The following THBS4 variants were observed in gnomAD, a reference collection of about 807,000 sequenced individuals.
THBS4 encodes the protein thrombospondin-4.
A neutral mutation model predicts 115.7 loss-of-function variants in THBS4; 90 were observed. That is an observed-to-expected ratio of 0.78 (90% confidence interval 0.66 to 0.93). The LOEUF is 0.93. Among genes scored for constraint, THBS4 ranks in the 40% least tolerant of loss-of-function variants. The probability of loss-of-function intolerance (pLI) is 0.00; values close to 1 mark genes in which losing one functional copy is unlikely to be tolerated. For synonymous variants in THBS4, 460 were observed against 479.3 expected (o/e 0.96, Z 0.53); for missense variants, 1,087 against 1,232.7 (o/e 0.88, Z 1.77).
chr5:80,058,369 T>G, intron 4 of THBS4, 55 bp downstream of exon 4: 1 of 1,307,846 alleles, frequency 7.6e-7, no homozygotes, highest in Non-Finnish European at 1.1e-6. Flanking sequence ...CCAAAGACCC[T>G]GAATAGGCTG....
At chr5:80,007,740 G>A (rs1037533898) in intron 2 of THBS4, among the ~76,000 whole-genome samples, 2 of 152,162 alleles carry the variant, frequency 1.3e-5, no homozygotes, top group Admixed American at 6.5e-5. Flanking sequence ...CCAAAATGCC[G>A]GGCTTGTGAC....
intron 2 of THBS4, among the ~76,000 whole-genome samples, chr5:80,023,050 A>G (rs776895397): frequency 6.6e-6 from 1 of 152,218 alleles, no homozygotes; most frequent in African/African-American, 2.4e-5. Context: ...TTATTTATTA[A>G]AGAAAAATAA....
intron 2 of THBS4, among the ~76,000 whole-genome samples, chr5:80,025,162 G>A (rs1230186880): frequency 1.3e-5 from 2 of 152,148 alleles, no homozygotes; most frequent in African/African-American, 2.4e-5. Context: ...TTATTATGAT[G>A]TGGGTTTCTA....
At chr5:80,047,696 C>T (rs1021861853) in intron 2 of THBS4, among the ~76,000 whole-genome samples, 4 of 150,218 alleles carry the variant, frequency 2.7e-5, no homozygotes, top group South Asian at 2.1e-4. Flanking sequence ...TGCAATGGCG[C>T]GTCCTCAGCT....
intron 6 of THBS4, 83 bp from the exon 7 acceptor site, chr5:80,059,620 T>C: frequency 1.3e-6 from 2 of 1,597,852 alleles, no homozygotes; most frequent in Admixed American, 3.4e-5. Flanking sequence ...GGAGGAAAAG[T>C]TCAATAGGAA....
rs1339204652 is a variant in THBS4, at chr5:80,065,420, CATTG to C, written c.1140_1143del (p.Ile380MetfsTer35). ...CTTTTCTGCACTAGGTCTGCACTGA[CATTG>C]ATGAGTGTCGAAATGGAGCGTGCGT... On this transcript the variant is annotated frameshift_variant, in exon 9 of 22. Coordinates refer to ENST00000350881, the MANE Select transcript of THBS4 (RefSeq NM_003248.6). LOFTEE classifies it high-confidence loss of function. 6.2e-7 allele frequency: 1 copy of C among 1,613,062 alleles called. No homozygotes were observed. The highest frequency in any genetic ancestry group is 1.3e-5 in the African/African-American group (1 of 74,904).
chr5:79,995,219 A>G (rs1021613895), intron 1 of THBS4, among the ~76,000 whole-genome samples: 10 of 152,268 alleles, frequency 6.6e-5, no homozygotes, highest in African/African-American at 1.2e-4. Context: ...GTGGATTTAC[A>G]TAGTCAAGGA....
intron 5 of THBS4, 36 bp from the exon 6 acceptor site, chr5:80,059,404 C>A (rs967795300): frequency 1.2e-6 from 2 of 1,602,900 alleles, no homozygotes; most frequent in Admixed American, 1.7e-5. Context: ...TCAGGCATTC[C>A]TTTTCAATCC....
intron 2 of THBS4, among the ~76,000 whole-genome samples, chr5:80,040,654 G>C (rs1832869753): frequency 6.6e-6 from 1 of 152,232 alleles, no homozygotes; most frequent in Non-Finnish European, 1.5e-5. Flanking sequence ...TTAAACAATA[G>C]ACATTTACAT....
In THBS4 at chr5:80,040,205, A is replaced by T. The variant is rs372241107; in HGVS notation, c.217A>T (p.Thr73Ser). ...TFKLQTKSSA[T>S]IFGLYSSTDN... ...CAAGCTGCAGACTAAAAGTTCAGCC[A>T]CCATCTTCGGTCTTTACTCTTCAAC... Residue 73 changes from threonine (T) to serine (S), a missense_variant, in exon 2 of 22, where the codon ACC (threonine) becomes TCC (serine). Thr to Ser is a moderately conservative substitution (Grantham distance 58, BLOSUM62 1). Around this residue, in one of 3 missense-constraint regions of THBS4, gnomAD observed 979 missense variants for 1,103.7 expected, o/e 0.89. Transcript: ENST00000350881. The T allele has an allele frequency of 1.9e-6, 3 of 1,614,176 alleles. No individual in the cohort carries two copies. Among genetic ancestry groups the T allele is most frequent in the Non-Finnish European group, 1.7e-6 (2 of 1,180,034 alleles).
intron 2 of THBS4, among the ~76,000 whole-genome samples, chr5:80,029,831 A>G (rs553918040): frequency 1.1e-4 from 17 of 151,696 alleles, no homozygotes; most frequent in Non-Finnish European, 2.4e-4. Context: ...TTAGCCGGGC[A>G]TGGTGGTGGG....
At chr5:80,082,163 A>C in intron 20 of THBS4, 2 of 421,476 alleles carry the variant, frequency 4.7e-6, no homozygotes, top group East Asian at 3.8e-5. Context: ...GAAGTTGGGA[A>C]GAAACACCCC....
intron 16 of THBS4, 147 bp downstream of exon 16, chr5:80,077,195 C>T: frequency 1.3e-6 from 1 of 744,694 alleles, no homozygotes; most frequent in South Asian, 2.3e-5. Context: ...TGCATAGCTG[C>T]AGCTTGTGTG....
intron 2 of THBS4, among the ~76,000 whole-genome samples, chr5:80,017,825 C>T (rs1226646728): frequency 6.6e-6 from 1 of 152,046 alleles, no homozygotes; most frequent in Admixed American, 6.6e-5. Context: ...TTATTTTACT[C>T]TTATTCTTAA....
intron 15 of THBS4, among the ~76,000 whole-genome samples, chr5:80,073,566 A>G (rs1743022605): frequency 6.6e-6 from 1 of 152,030 alleles, no homozygotes; most frequent in Admixed American, 6.5e-5. Context: ...TTGTATTTTC[A>G]GTAGAGACGG....
At chr5:80,008,135 G>A (rs1273695917) in intron 2 of THBS4, among the ~76,000 whole-genome samples, 1 of 152,310 alleles carries the variant, frequency 6.6e-6, no homozygotes, top group Non-Finnish European at 1.5e-5. Context: ...CTTTAAGGCT[G>A]TGTTTATAGT....
chr5:80,061,555 T>C, intron 7 of THBS4, 140 bp from the exon 8 acceptor site: 2 of 1,148,752 alleles, frequency 1.7e-6, no homozygotes, highest in Non-Finnish European at 2.4e-6. Context: ...GTAACTGGAG[T>C]TGGAAGCCTT....
intron 2 of THBS4, among the ~76,000 whole-genome samples, chr5:80,023,067 A>G (rs1214530353): frequency 6.6e-6 from 1 of 152,220 alleles, no homozygotes; most frequent in African/African-American, 2.4e-5. Flanking sequence ...ATAAAGAAAA[A>G]GGTAAACAGA....
At chr5:80,056,212 A>C (rs777558674) in intron 3 of THBS4, among the ~76,000 whole-genome samples, 180 bp downstream of exon 3, 30 of 152,200 alleles carry the variant, frequency 2.0e-4, no homozygotes, top group Non-Finnish European at 3.7e-4. Context: ...GGACAAACTG[A>C]ATCCGAATCT....
Sources: allele counts gnomAD v4.1 joint callset (sites outside exome capture counted in the v4.1 genomes callset), GRCh38; gene constraint gnomAD v4.1.1; regional missense constraint gnomAD v4.1.1; transcripts MANE v1.5; gene names NCBI Gene and HGNC (gene_info 2026-07-23, HGNC 2026-07-21).